PDZRN4: variants seen among roughly 807,000 people sequenced by gnomAD.
PDZRN4 encodes the protein PDZ domain-containing RING finger protein 4.
In PDZRN4, 70 loss-of-function variants were observed where a neutral mutation model predicts 99.0. That is an observed-to-expected ratio of 0.71 (90% confidence interval 0.58 to 0.86). The LOEUF (loss-of-function observed/expected upper bound fraction) is 0.86, where lower values mean the gene tolerates loss of function less well. PDZRN4 is among the 40% of genes least tolerant of loss of function. The pLI is 0.00. For missense variants in PDZRN4, 1,474 were observed against 1,331.2 expected (o/e 1.11, Z -1.67); for synonymous variants, 551 against 501.6 (o/e 1.10, Z -1.32).
intron 5 of PDZRN4, among the ~76,000 whole-genome samples, chr12:41,518,880 A>C (rs1938447491): frequency 6.6e-6 from 1 of 151,994 alleles, no homozygotes. Context: ...CCCAGGAGTT[A>C]GAGGCTGTAG....
intron 3 of PDZRN4, among the ~76,000 whole-genome samples, chr12:41,297,355 C>T (rs988606450): frequency 6.6e-6 from 1 of 152,072 alleles, no homozygotes; most frequent in African/African-American, 2.4e-5. Flanking sequence ...TCTGATAGAA[C>T]AAATGAAATC....
At chr12:41,214,948 T>G (rs1950911426) in intron 3 of PDZRN4, among the ~76,000 whole-genome samples, 1 of 152,130 alleles carries the variant, frequency 6.6e-6, no homozygotes, top group Non-Finnish European at 1.5e-5. Context: ...TAAAGTCTAA[T>G]ACTCTTATTT....
chr12:41,389,981 G>A lies in PDZRN4; in HGVS notation c.844-116475G>A, dbSNP rs543052494. On this transcript the variant is annotated intron_variant, in intron 3 of 9. Transcript: ENST00000402685. ...GTAGCCTCTTAGGTAATGTCGAAAA[G>A]GACAGATTATTCTTAAAATAAGATA... is the stretch of plus-strand genomic sequence containing the variant. Among the ~76,000 whole-genome samples, 3 of 152,232 alleles carry A rather than the reference G, an allele frequency of 2.0e-5. No individual in the cohort carries two copies. The South Asian group carries it at 6.2e-4, about 32-fold the overall frequency.
At chr12:41,488,669 C>T (rs982039058) in intron 3 of PDZRN4, among the ~76,000 whole-genome samples, 10 of 152,086 alleles carry the variant, frequency 6.6e-5, no homozygotes, top group African/African-American at 2.2e-4. Context: ...CAGTTAACTT[C>T]TCCGGGCTGG....
chr12:41,428,652 TAGCAAGAGTG>T (rs1180849268), intron 3 of PDZRN4, among the ~76,000 whole-genome samples: 8 of 152,292 alleles, frequency 5.3e-5, no homozygotes, highest in Admixed American at 2.0e-4. Context: ...GTGTGTATGA[TAGCAAGAGTG>T]AGCAAGAGTG....
chr12:41,264,182 C>A (rs900348669), intron 3 of PDZRN4, among the ~76,000 whole-genome samples: 2 of 152,082 alleles, frequency 1.3e-5, no homozygotes, highest in Non-Finnish European at 2.9e-5. Context: ...TATATGATAA[C>A]AAAATAATGA....
intron 3 of PDZRN4, among the ~76,000 whole-genome samples, chr12:41,445,123 A>G (rs963675305): frequency 9.9e-5 from 15 of 152,154 alleles, no homozygotes; most frequent in African/African-American, 3.1e-4. Flanking sequence ...ATCTATTTAG[A>G]TGGAATACTG....
intron 3 of PDZRN4, among the ~76,000 whole-genome samples, chr12:41,482,494 C>T (rs1448067663): frequency 6.6e-6 from 1 of 152,248 alleles, no homozygotes; most frequent in Non-Finnish European, 1.5e-5. Context: ...AATTAACAAT[C>T]ATTAAGTACT....
chr12:41,230,713 C>G (rs189598069), intron 3 of PDZRN4, among the ~76,000 whole-genome samples: 1 of 151,946 alleles, frequency 6.6e-6, no homozygotes, highest in Non-Finnish European at 1.5e-5. Flanking sequence ...AATTTTTCGT[C>G]TTTTTTGAAG....
At chr12:41,537,204 C>A (rs753456559) in intron 5 of PDZRN4, among the ~76,000 whole-genome samples, 1 of 152,108 alleles carries the variant, frequency 6.6e-6, no homozygotes, top group Non-Finnish European at 1.5e-5. Flanking sequence ...ATGCAGAGAT[C>A]TCTGTGTACT....
intron 3 of PDZRN4, among the ~76,000 whole-genome samples, chr12:41,348,014 TATGAAAAGGACCAC>T (rs2121031198): frequency 6.6e-6 from 1 of 152,206 alleles, no homozygotes; most frequent in East Asian, 1.9e-4. Flanking sequence ...TAAAGTAAAA[TATGAAAAGGACCAC>T]ATGAAATGTA....
intron 3 of PDZRN4, among the ~76,000 whole-genome samples, chr12:41,264,730 G>T (rs983616511): frequency 1.3e-5 from 2 of 152,108 alleles, no homozygotes; most frequent in Non-Finnish European, 2.9e-5. Context: ...AATACAAATA[G>T]ATGGTGCAGT....
chr12:41,424,669 T>A (rs1952520476), intron 3 of PDZRN4, among the ~76,000 whole-genome samples: 1 of 152,092 alleles, frequency 6.6e-6, no homozygotes, highest in Non-Finnish European at 1.5e-5. Context: ...CTTCAAATAC[T>A]TAGTAGTTTC....
At chr12:41,412,492 C>T (rs1470466351) in intron 3 of PDZRN4, 1 of 152,090 alleles carries the variant, frequency 6.6e-6, no homozygotes, top group Non-Finnish European at 1.5e-5. Flanking sequence ...AGTTCTCTTT[C>T]TTTGGAAGGA....
chr12:41,279,503 T>C (rs1311726707), intron 3 of PDZRN4, among the ~76,000 whole-genome samples: 1 of 152,166 alleles, frequency 6.6e-6, no homozygotes, highest in African/African-American at 2.4e-5. Context: ...CAACAATAAG[T>C]AGGAGCCACT....
intron 3 of PDZRN4, among the ~76,000 whole-genome samples, chr12:41,296,888 G>A (rs941380970): frequency 6.6e-6 from 1 of 152,066 alleles, no homozygotes; most frequent in African/African-American, 2.4e-5. Flanking sequence ...AGCCCAGGAG[G>A]TTGACACTGC....
intron 3 of PDZRN4, chr12:41,460,060 G>T (rs1318472793): frequency 1.2e-5 from 15 of 1,284,686 alleles, no homozygotes; most frequent in Middle Eastern, 2.1e-4. Flanking sequence ...TAAGCTCCTT[G>T]TGAATGAGTG....
At chr12:41,278,171 T>C (rs1480166233) in intron 3 of PDZRN4, among the ~76,000 whole-genome samples, 1 of 152,176 alleles carries the variant, frequency 6.6e-6, no homozygotes, top group African/African-American at 2.4e-5. Context: ...GCGTGACTCA[T>C]AAGATAATAA....
intron 3 of PDZRN4, among the ~76,000 whole-genome samples, chr12:41,209,103 A>C (rs1950869833): frequency 6.6e-6 from 1 of 151,740 alleles, no homozygotes; most frequent in African/African-American, 2.4e-5. Context: ...TTGTAAGATA[A>C]TTTTTTAATT....
Sources: allele counts gnomAD v4.1 joint callset (sites outside exome capture counted in the v4.1 genomes callset), GRCh38; gene constraint gnomAD v4.1.1; transcripts MANE v1.5; gene names NCBI Gene and HGNC (gene_info 2026-07-23, HGNC 2026-07-21).